The following MTHFD2L variants were observed in gnomAD, a reference collection of about 807,000 sequenced individuals.
MTHFD2L encodes bifunctional methylenetetrahydrofolate dehydrogenase/cyclohydrolase 2, mitochondrial.
MTHFD2L carries 29 observed loss-of-function variants against 34.9 expected under a neutral mutation model. That is an observed-to-expected ratio of 0.83 (90% CI 0.62 to 1.13). MTHFD2L has a LOEUF of 1.13. Ranked by LOEUF, MTHFD2L falls within the 50% of genes most tolerant of loss-of-function variation. The probability of loss-of-function intolerance (pLI) is 0.00; values close to 1 mark genes in which losing one functional copy is unlikely to be tolerated. For missense variants in MTHFD2L, 481 were observed against 446.5 expected (o/e 1.08, Z -0.70); for synonymous variants, 167 against 155.7 (o/e 1.07, Z -0.54).
chr4:74,214,562 C>T (rs1410207424), intron 5 of MTHFD2L, among the ~76,000 whole-genome samples: 1 of 151,748 alleles, frequency 6.6e-6, no homozygotes, highest in Non-Finnish European at 1.5e-5. Context: ...AAGATTTCTG[C>T]CTGTTCTTTC....
intron 7 of MTHFD2L, among the ~76,000 whole-genome samples, chr4:74,288,871 C>A (rs1377056020): frequency 6.6e-6 from 1 of 152,150 alleles, no homozygotes; most frequent in Non-Finnish European, 1.5e-5. Context: ...TACTTTTTGA[C>A]CATGTTATAC....
At chr4:74,300,107 A>G (rs567674131) in intron 7 of MTHFD2L, among the ~76,000 whole-genome samples, 1 of 152,178 alleles carries the variant, frequency 6.6e-6, no homozygotes, top group South Asian at 2.1e-4. Flanking sequence ...AATAGAATGC[A>G]TTAGATGGAA....
chr4:74,166,659 C>T (rs1726772188), intron 1 of MTHFD2L, among the ~76,000 whole-genome samples: 1 of 151,790 alleles, frequency 6.6e-6, no homozygotes, highest in African/African-American at 2.4e-5. Context: ...GCCAGGCCAG[C>T]CCCCACAGAC....
rs1399376936 is a variant in MTHFD2L, at chr4:74,199,825, A to T, written c.483A>T (p.Gly161=). The part of the protein sequence containing the change: ...DHVDERTICN[G]IAPEKDVDGF... ...TTGATGAGCGAACAATATGCAATGG[A>T]ATTGCCCCAGAAAAAGATGTAGATG... The change falls in exon 4 of 8, where the codon GGA becomes GGT. Residue 161 remains glycine, a synonymous_variant. Transcript: ENST00000325278. 3.1e-6 allele frequency: 5 copies of T among 1,613,082 alleles called. No homozygotes were observed. Among genetic ancestry groups the T allele is most frequent in the Non-Finnish European group, 4.2e-6 (5 of 1,179,448 alleles).
chr4:74,272,717 G>A (rs1409621020), intron 6 of MTHFD2L, among the ~76,000 whole-genome samples: 1 of 152,070 alleles, frequency 6.6e-6, no homozygotes, highest in African/African-American at 2.4e-5. Flanking sequence ...GGTGCTAGAG[G>A]TCTGGCAATA....
chr4:74,188,456 C>A (rs1161852023), intron 3 of MTHFD2L, among the ~76,000 whole-genome samples: 1 of 152,124 alleles, frequency 6.6e-6, no homozygotes, highest in South Asian at 2.1e-4. Flanking sequence ...TCATCTAAAT[C>A]TAATTGGCCT....
At chr4:74,282,318 T>G (rs780634643) in intron 7 of MTHFD2L, among the ~76,000 whole-genome samples, 1 of 152,106 alleles carries the variant, frequency 6.6e-6, no homozygotes, top group Non-Finnish European at 1.5e-5. Context: ...TGGTGACATT[T>G]TTATGTTAGA....
intron 5 of MTHFD2L, among the ~76,000 whole-genome samples, chr4:74,215,800 A>G (rs1353678356): frequency 6.6e-6 from 1 of 151,834 alleles, no homozygotes; most frequent in Non-Finnish European, 1.5e-5. Flanking sequence ...AAAGACTTTT[A>G]CTAAATATAG....
chr4:74,137,685 G>C (rs1189724294), intron 1 of MTHFD2L, among the ~76,000 whole-genome samples: 1 of 152,106 alleles, frequency 6.6e-6, no homozygotes, highest in Non-Finnish European at 1.5e-5. Context: ...ATTCACAATA[G>C]GCAAAATATA....
At chr4:74,158,042 C>A (rs1724495723), upstream of MTHFD2L, 7 of 1,515,134 alleles carry the variant, frequency 4.6e-6, no homozygotes, top group East Asian at 1.7e-4. Flanking sequence ...TACTTGCTGC[C>A]CTGCCAGCCC....
At chr4:74,116,847 G>A (rs999847873) in intron 2 of MTHFD2L, among the ~76,000 whole-genome samples, 5 of 152,206 alleles carry the variant, frequency 3.3e-5, no homozygotes, top group African/African-American at 1.2e-4. Flanking sequence ...GTTTGCACTA[G>A]GCATATAGAT....
intron 6 of MTHFD2L, among the ~76,000 whole-genome samples, chr4:74,262,721 T>C (rs933758934): frequency 1.3e-5 from 2 of 151,930 alleles, no homozygotes; most frequent in Non-Finnish European, 1.5e-5. Context: ...CTTGATGATA[T>C]CAAATGTTGG....
intron 7 of MTHFD2L, among the ~76,000 whole-genome samples, chr4:74,287,892 G>T (rs1476344568): frequency 6.6e-6 from 1 of 152,192 alleles, no homozygotes; most frequent in East Asian, 1.9e-4. Flanking sequence ...CCATAACAAA[G>T]TACCACAGAC....
At chr4:74,194,018 A>G (rs1487392140) in intron 3 of MTHFD2L, 1 of 152,170 alleles carries the variant, frequency 6.6e-6, no homozygotes, top group East Asian at 1.9e-4. Context: ...ACTATTAAGT[A>G]GGATGTTAAT....
chr4:74,142,158 A>T (rs1402263317), intron 1 of MTHFD2L, among the ~76,000 whole-genome samples: 1 of 152,214 alleles, frequency 6.6e-6, no homozygotes, highest in Non-Finnish European at 1.5e-5. Flanking sequence ...GTTTGATTGG[A>T]GAGCATAGCT....
intron 1 of MTHFD2L, among the ~76,000 whole-genome samples, chr4:74,151,213 T>C (rs1161183859): frequency 6.6e-6 from 1 of 152,196 alleles, no homozygotes; most frequent in African/African-American, 2.4e-5. Flanking sequence ...TATTAAAATA[T>C]GAAACTGGTA....
At chr4:74,206,610 G>A (rs1039312386) in intron 5 of MTHFD2L, among the ~76,000 whole-genome samples, 18 of 151,896 alleles carry the variant, frequency 1.2e-4, no homozygotes, top group Non-Finnish European at 1.9e-4. Flanking sequence ...GAAAAAAAAA[G>A]TTGAAAATGC....
In MTHFD2L at chr4:74,174,674, A is replaced by C; in HGVS notation, c.312A>C (p.Arg104Ser). The change falls in exon 2 of 8, where the codon AGA becomes AGC. Residue 104 changes from arginine to serine, a missense_variant. By Grantham distance (110) the Arg-to-Ser change is moderately radical (BLOSUM62 -1). Coordinates refer to ENST00000325278, the MANE Select transcript of MTHFD2L (RefSeq NM_001144978.3). ...ASHTYVRNKI[R>S]AASAVGICSE... ...ATACATATGTCAGGAATAAGATAAG[A>C]GCTGCCTCTGCTGTAGGTGGGTGTG... is the stretch of plus-strand genomic sequence containing the variant. 1 of 1,545,984 alleles carries C rather than the reference A, an allele frequency of 6.5e-7. No individual in the cohort carries two copies. The highest frequency in any genetic ancestry group is 8.7e-7 in the Non-Finnish European group (1 of 1,148,256).
intron 6 of MTHFD2L, among the ~76,000 whole-genome samples, chr4:74,269,636 G>A (rs898406332): frequency 1.3e-5 from 2 of 152,124 alleles, no homozygotes. Context: ...GGATATGTCT[G>A]CTGATGGACC....
Sources: gnomAD v4.1 joint callset for allele counts (sites outside exome capture counted in the v4.1 genomes callset) on GRCh38, gnomAD v4.1.1 for gene constraint, MANE v1.5 for transcripts, NCBI Gene and HGNC (gene_info 2026-07-23, HGNC 2026-07-21) for gene names.